Variants in SVEP1 observed in about 807,000 individuals in gnomAD.
SVEP1 encodes the protein sushi, von Willebrand factor type A, EGF and pentraxin domain containing 1.
A neutral mutation model predicts 367.3 loss-of-function variants in SVEP1; 164 were observed. That is an observed-to-expected ratio of 0.45 (90% CI 0.39 to 0.51). SVEP1 has a LOEUF of 0.51. SVEP1 is among the 20% of genes least tolerant of loss of function. The probability of loss-of-function intolerance (pLI) is 0.00; values close to 1 mark genes in which losing one functional copy is unlikely to be tolerated. For synonymous variants in SVEP1, 1,666 were observed against 1,611.6 expected, an observed-to-expected ratio of 1.03 and a Z score of -0.81; for missense variants, 4,117 against 4,425.3, an observed-to-expected ratio of 0.93 and a Z score of 1.98.
At chr9:110,524,442 T>A (rs1230176128) in intron 3 of SVEP1, among the ~76,000 whole-genome samples, 1 of 152,110 alleles carries the variant, frequency 6.6e-6, no homozygotes, top group African/African-American at 2.4e-5. Context: ...CAGCAATATG[T>A]AAAAAGAATT....
chr9:110,551,439 A>C (rs935710635), intron 1 of SVEP1, among the ~76,000 whole-genome samples: 6 of 152,226 alleles, frequency 3.9e-5, no homozygotes, highest in African/African-American at 1.4e-4. Context: ...AAATGAAACT[A>C]ACAATGCCTC....
chr9:110,518,659 G>A (rs928520954), intron 3 of SVEP1, among the ~76,000 whole-genome samples: 1 of 151,942 alleles, frequency 6.6e-6, no homozygotes, highest in African/African-American at 2.4e-5. Flanking sequence ...AGACCACTAT[G>A]ATTTCTCATT....
At chr9:110,536,476 C>T (rs1001875970) in intron 3 of SVEP1, among the ~76,000 whole-genome samples, 4 of 151,988 alleles carry the variant, frequency 2.6e-5, no homozygotes, top group East Asian at 1.9e-4. Context: ...TTTCCAGAAC[C>T]TCAACATACA....
At chr9:110,507,609 C>T (rs563803150) in intron 5 of SVEP1, among the ~76,000 whole-genome samples, 7 of 152,106 alleles carry the variant, frequency 4.6e-5, no homozygotes, top group Non-Finnish European at 7.4e-5. Flanking sequence ...AAAAATGATC[C>T]GAAACATTTT....
At chr9:110,535,926 T>G (rs963900270) in intron 3 of SVEP1, among the ~76,000 whole-genome samples, 1 of 152,212 alleles carries the variant, frequency 6.6e-6, no homozygotes, top group South Asian at 2.1e-4. Flanking sequence ...ATAGTTTGAC[T>G]TCCTCTCTTC....
intron 3 of SVEP1, among the ~76,000 whole-genome samples, chr9:110,533,607 TGCACGCACAC>T (rs1830047453): frequency 9.3e-6 from 1 of 107,876 alleles, no homozygotes; most frequent in African/African-American, 3.3e-5. Flanking sequence ...TGTGTGTGTG[TGCACGCACAC>T]GTGTGTGTGT....
intron 27 of SVEP1, among the ~76,000 whole-genome samples, chr9:110,438,177 ATTTTTTT>A (rs10593866): frequency 3.8e-3 from 289 of 75,554 alleles, no homozygotes; most frequent in South Asian, 9.9e-3. Context: ...TAGTTATGCT[ATTTTTTT>A]TTTTTTTTTT....
Position 110,550,001 on chromosome 9 carries a change from C to T in SVEP1, c.635G>A (p.Arg212Gln), listed in dbSNP as rs966129907. Reference sequence around the variant, plus strand: ...AGTGAAGATCTCCACTCCTGAATCTCGCAGTGACGCTGCAATTGGTCTAGG... The same window carrying T: ...AGTGAAGATCTCCACTCCTGAATCTTGCAGTGACGCTGCAATTGGTCTAGG... ...GDPRPIAASL[R>Q]DSGVEIFTFG... The change falls in exon 2 of 48, where the codon CGA (arginine) becomes CAA (glutamine). Residue 212 changes from arginine to glutamine, a missense_variant. This residue lies in a region of SVEP1 where 2,174 missense variants were observed against 2,494.3 expected (regional missense o/e 0.87). Coordinates refer to ENST00000374469, the MANE Select transcript of SVEP1 (RefSeq NM_153366.4). 5.6e-6 allele frequency: 9 copies of T among 1,613,836 alleles called. No homozygotes were observed. Among genetic ancestry groups the T allele is most frequent in the African/African-American group, 1.3e-5 (1 of 74,958 alleles).
chr9:110,380,365 C>T (rs1827416170), intron 43 of SVEP1, among the ~76,000 whole-genome samples: 1 of 152,062 alleles, frequency 6.6e-6, no homozygotes, highest in Admixed American at 6.5e-5. Flanking sequence ...ACTTTGTTGT[C>T]ATAATACTAC....
chr9:110,468,936 C>T lies in SVEP1; in HGVS notation c.3160+4G>A. On this transcript the variant is annotated splice_donor_region_variant and intron_variant, in intron 17 of 47. Transcript: ENST00000374469. ...TCTAGTTGAAATGTCCAGTAAGCCT[C>T]TACCTTTACAATCAGAGATGTTTCT... is the stretch of plus-strand genomic sequence containing the variant. The T allele has an allele frequency of 6.3e-7, 1 of 1,581,464 alleles. No individual in the cohort carries two copies. Among genetic ancestry groups the T allele is most frequent in the Non-Finnish European group, 8.6e-7 (1 of 1,161,024 alleles).
chr9:110,442,468 T>C (rs910649810), intron 27 of SVEP1: 7 of 151,266 alleles, frequency 4.6e-5, no homozygotes, highest in South Asian at 2.1e-4. Context: ...TTTCTTTTTT[T>C]TTTTTTTTTT....
intron 1 of SVEP1, among the ~76,000 whole-genome samples, chr9:110,556,579 C>A (rs1435304050): frequency 6.6e-6 from 1 of 152,178 alleles, no homozygotes; most frequent in Non-Finnish European, 1.5e-5. Flanking sequence ...ACTGCAACCT[C>A]CGCCTCATGG....
chr9:110,474,008 T>G (rs759515994), intron 14 of SVEP1, among the ~76,000 whole-genome samples: 20 of 152,210 alleles, frequency 1.3e-4, no homozygotes, highest in Non-Finnish European at 2.5e-4. Context: ...CTTTAGTTAT[T>G]TTATTTTTTG....
rs999012326 is a variant in SVEP1 at position 110,557,949 on chromosome 9, T to C, written c.532-7845A>G. Reference sequence around the variant, plus strand: ...TACATACAGTAGCCACATATGGCTATTGAGCACTTGAAATGAGACTATTGC... The same window carrying C: ...TACATACAGTAGCCACATATGGCTACTGAGCACTTGAAATGAGACTATTGC... On this transcript the variant is annotated intron_variant, in intron 1 of 47. Coordinates refer to ENST00000374469, the MANE Select transcript of SVEP1 (RefSeq NM_153366.4). Among the ~76,000 whole-genome samples, 8 of 152,292 alleles carry C rather than the reference T, an allele frequency of 5.3e-5. No individual in the cohort carries two copies. In the East Asian group the frequency reaches 5.8e-4, roughly 11 times the overall value.
intron 36 of SVEP1, among the ~76,000 whole-genome samples, chr9:110,416,556 T>C (rs1482979601): frequency 1.3e-5 from 2 of 151,546 alleles, no homozygotes; most frequent in Non-Finnish European, 2.9e-5. Context: ...AAGACATCCA[T>C]AAAGATATAA....
At chr9:110,401,146 GCTA>G in intron 39 of SVEP1, 137 bp from the exon 40 acceptor site, 1 of 1,008,908 alleles carries the variant, frequency 9.9e-7, no homozygotes, top group Non-Finnish European at 1.4e-6. Flanking sequence ...TCCTACTTTT[GCTA>G]CTTATTATAT....
intron 1 of SVEP1, among the ~76,000 whole-genome samples, chr9:110,568,818 G>A (rs1453254187): frequency 6.6e-6 from 1 of 152,216 alleles, no homozygotes; most frequent in African/African-American, 2.4e-5. Context: ...TAGAAAGACA[G>A]GCCAGGAGTG....
rs1316016497 is a variant in SVEP1, at chr9:110,445,824, C to T, written c.4463+13G>A. 1.9e-6 allele frequency: 3 copies of T among 1,613,482 alleles called. No homozygotes were observed. Among genetic ancestry groups the T allele is most frequent in the South Asian group, 2.2e-5 (2 of 91,060 alleles). On this transcript the variant is annotated intron_variant, in intron 26 of 47. Coordinates refer to ENST00000374469, the MANE Select transcript of SVEP1 (RefSeq NM_153366.4). ...AAGATCTTAAGCATAGCCTTCCCGA[C>T]ACTTCTGCTTACCCGTTATAATCAG...
At chr9:110,526,695 T>C (rs1829943500) in intron 3 of SVEP1, among the ~76,000 whole-genome samples, 1 of 152,094 alleles carries the variant, frequency 6.6e-6, no homozygotes, top group Non-Finnish European at 1.5e-5. Flanking sequence ...CCTAGTGAAT[T>C]AAAAACTTAT....
Sources: gnomAD v4.1 joint callset for allele counts (sites outside exome capture counted in the v4.1 genomes callset) on GRCh38, gnomAD v4.1.1 for gene constraint, gnomAD v4.1.1 regional missense constraint, MANE v1.5 for transcripts, NCBI Gene and HGNC (gene_info 2026-07-23, HGNC 2026-07-21) for gene names.